ZFHX3: variants seen among roughly 807,000 people sequenced by gnomAD.
The protein encoded by ZFHX3 is zinc finger homeobox 3.
ZFHX3 carries 42 observed loss-of-function variants against 279.1 expected under a neutral mutation model. That is an observed-to-expected ratio of 0.15 (90% CI 0.12 to 0.19). The LOEUF is 0.19. Among genes scored for constraint, ZFHX3 ranks in the 10% least tolerant of loss-of-function variants. The pLI is 1.00. For synonymous variants in ZFHX3, 2,293 were observed against 1,957.8 expected, an observed-to-expected ratio of 1.17 and a Z score of -4.52; for missense variants, 4,981 against 4,754.0, an observed-to-expected ratio of 1.05 and a Z score of -1.40.
intron 5 of ZFHX3, among the ~76,000 whole-genome samples, chr16:73,165,077 C>T (rs975968481): frequency 1.3e-5 from 2 of 152,192 alleles, no homozygotes; most frequent in Non-Finnish European, 2.9e-5. Context: ...GCACAGGAAA[C>T]GTCCATGCTC....
chr16:72,934,013 T>C (rs770819692), intron 3 of ZFHX3, among the ~76,000 whole-genome samples: 4 of 150,770 alleles, frequency 2.7e-5, no homozygotes, highest in Non-Finnish European at 5.9e-5. Context: ...AGAGATGGGG[T>C]TTCACCGTGT....
At chr16:73,184,242 A>G (rs1967863794) in intron 5 of ZFHX3, among the ~76,000 whole-genome samples, 1 of 152,248 alleles carries the variant, frequency 6.6e-6, no homozygotes, top group African/African-American at 2.4e-5. Context: ...TCAGTGATGG[A>G]TGCGTCCAGG....
At chr16:72,953,296 AAG>A in intron 2 of ZFHX3, among the ~76,000 whole-genome samples, 1 of 138,480 alleles carries the variant, frequency 7.2e-6, no homozygotes, top group Non-Finnish European at 1.6e-5. Context: ...AGAAAGGAAA[AAG>A]AAAAAAAAAA....
rs1177239651 is a variant in ZFHX3, at chr16:72,783,180, GT to G, written c.*3983del. 2 of 150,796 alleles carry G rather than the reference GT, an allele frequency of 1.3e-5. No individual in the cohort carries two copies. The highest frequency in any genetic ancestry group is 3.0e-5 in the Non-Finnish European group (2 of 67,730). The allele number at this position is 150,796 out of a possible 1,614,324, so 9.3% of individuals were successfully genotyped here. A position where few individuals can be genotyped will look rare whatever the true frequency, so the allele number is the denominator to read the frequency against. ...TGGTTTCACTTGCTCTATTTTTTTT[GT>G]TGTTTTTTGTTTTTTTTTCTTTTTG... On this transcript the variant is annotated 3_prime_UTR_variant, in exon 10 of 10. Coordinates refer to ENST00000268489, the MANE Select transcript of ZFHX3 (RefSeq NM_006885.4).
At chr16:72,991,229 G>A (rs1963078384) in intron 1 of ZFHX3, among the ~76,000 whole-genome samples, 2 of 152,038 alleles carry the variant, frequency 1.3e-5, no homozygotes, top group Non-Finnish European at 2.9e-5. Context: ...TTTATTATTA[G>A]TTATCACTGT....
chr16:73,257,817 C>T (rs2013702161), intron 4 of ZFHX3, among the ~76,000 whole-genome samples: 1 of 152,218 alleles, frequency 6.6e-6, no homozygotes, highest in Non-Finnish European at 1.5e-5. Flanking sequence ...GTTGGTTATA[C>T]AGGCAAGAGC....
chr16:72,957,842 G>C lies in ZFHX3; in HGVS notation c.2304C>G (p.His768Gln). 1 of 1,613,230 alleles carries C rather than the reference G, an allele frequency of 6.2e-7. No homozygotes were observed. Among genetic ancestry groups the C allele is most frequent in the Non-Finnish European group, 8.5e-7 (1 of 1,179,610 alleles). The change falls in exon 2 of 10, where the codon CAC (histidine) becomes CAG (glutamine). Residue 768 changes from histidine to glutamine, a missense_variant. Transcript: ENST00000268489. ...QNGGGEQVFS[H>Q]TAGAAAAAVA... ...CCGCCGCCGCCGCCGCCCCGGCAGT[G>C]TGGCTGAAGACCTGCTCCCCCCCTC...
At chr16:73,073,762 G>A (rs552231825) in intron 8 of ZFHX3, among the ~76,000 whole-genome samples, 26 of 152,302 alleles carry the variant, frequency 1.7e-4, no homozygotes, top group African/African-American at 6.0e-4. Context: ...GCCTCCCAAA[G>A]TGCTGGGATT....
At chr16:73,031,554 C>A (rs1964700957) in intron 1 of ZFHX3, among the ~76,000 whole-genome samples, 2 of 152,192 alleles carry the variant, frequency 1.3e-5, no homozygotes, top group South Asian at 2.1e-4. Context: ...TGCTGTTTTG[C>A]ATTTCGTGGA....
chr16:73,488,600 C>T (rs1332219338), intron 2 of ZFHX3, among the ~76,000 whole-genome samples: 4 of 152,154 alleles, frequency 2.6e-5, no homozygotes, highest in Admixed American at 6.5e-5. Flanking sequence ...GTTTTGATTA[C>T]ACTGGGAAAA....
intron 1 of ZFHX3, among the ~76,000 whole-genome samples, chr16:73,841,121 C>T (rs1322653167): frequency 6.6e-6 from 1 of 152,166 alleles, no homozygotes; most frequent in Non-Finnish European, 1.5e-5. Flanking sequence ...TCTCACGAGG[C>T]ACTCAGAATC....
chr16:73,243,943 C>A (rs1265096762), intron 5 of ZFHX3, among the ~76,000 whole-genome samples: 1 of 152,148 alleles, frequency 6.6e-6, no homozygotes, highest in Non-Finnish European at 1.5e-5. Context: ...GTAGAGAATG[C>A]CGGTAGAGAA....
At chr16:73,817,599 T>C (rs1236006717) in intron 1 of ZFHX3, among the ~76,000 whole-genome samples, 2 of 152,208 alleles carry the variant, frequency 1.3e-5, no homozygotes, top group Non-Finnish European at 2.9e-5. Flanking sequence ...GCAGTTCGAA[T>C]AGCTTTAGGA....
chr16:73,440,313 G>A (rs956196182), intron 3 of ZFHX3, among the ~76,000 whole-genome samples: 7 of 152,166 alleles, frequency 4.6e-5, no homozygotes, highest in Admixed American at 3.9e-4. Flanking sequence ...CCAGACAAAC[G>A]AGTGTGTCCA....
At chr16:72,840,640 C>T (rs1222100186) in intron 4 of ZFHX3, among the ~76,000 whole-genome samples, 1 of 152,192 alleles carries the variant, frequency 6.6e-6, no homozygotes, top group Non-Finnish European at 1.5e-5. Flanking sequence ...GACTTGGATT[C>T]CCTGTTTGCC....
chr16:73,854,101 T>G (rs1451005339), intron 1 of ZFHX3, among the ~76,000 whole-genome samples: 1 of 152,212 alleles, frequency 6.6e-6, no homozygotes, highest in Non-Finnish European at 1.5e-5. Flanking sequence ...AGTATATAAG[T>G]AGATATTTTC....
rs185342159 is a variant in ZFHX3 at position 73,701,774 on chromosome 16, T to C, written c.-1607-21534A>G. ...TTCACTAGAATAATATGGAGAGATCTAATCCTGAATCCTGCTGTCTTATAA... is the reference window on the plus strand; with the variant it reads ...TTCACTAGAATAATATGGAGAGATCCAATCCTGAATCCTGCTGTCTTATAA... On this transcript the variant is annotated intron_variant, in intron 1 of 17. Coordinates refer to the ZFHX3 transcript ENST00000641206. 3.3e-5 allele frequency among the ~76,000 whole-genome samples: 5 copies of C among 152,290 alleles called. No individual in the cohort carries two copies. The East Asian group carries it at 9.6e-4, about 29-fold the overall frequency.
At chr16:72,950,395 T>C in intron 3 of ZFHX3, 74 bp downstream of exon 3, 22 of 1,562,942 alleles carry the variant, frequency 1.4e-5, no homozygotes, top group Non-Finnish European at 1.8e-5. Context: ...TCCTCCCCAG[T>C]GCTCCCTAAC....
chr16:73,063,109 A>G (rs979536938), upstream of ZFHX3, among the ~76,000 whole-genome samples: 1 of 152,110 alleles, frequency 6.6e-6, no homozygotes, highest in Admixed American at 6.5e-5. Context: ...CACGGGATCC[A>G]AGGTGCCGCG....
Sources: allele counts gnomAD v4.1 joint callset (sites outside exome capture counted in the v4.1 genomes callset), GRCh38; gene constraint gnomAD v4.1.1; transcripts MANE v1.5; gene names NCBI Gene and HGNC (gene_info 2026-07-23, HGNC 2026-07-21).